Variants in IPO11 observed in about 807,000 individuals in gnomAD.
IPO11 encodes the protein importin 11, also known as importin-11.
A neutral mutation model predicts 143.2 loss-of-function variants in IPO11; 66 were observed. The ratio of observed to expected loss-of-function variants is 0.46; its 90% CI spans 0.38 to 0.57. The LOEUF (loss-of-function observed/expected upper bound fraction) is 0.57. Ranked by LOEUF, IPO11 falls within the 20% of genes least tolerant of loss-of-function variation. The pLI is 0.00. For missense variants in IPO11, 1,026 were observed against 1,141.0 expected (o/e 0.90, Z 1.45); for synonymous variants, 385 against 377.8 (o/e 1.02, Z -0.22).
At chr5:62,539,901 G>A (rs1742869452) in intron 24 of IPO11, among the ~76,000 whole-genome samples, 1 of 152,196 alleles carries the variant, frequency 6.6e-6, no homozygotes, top group African/African-American at 2.4e-5. Flanking sequence ...GAATTAATAC[G>A]TTGGACTTAA....
rs140074399 is a variant in IPO11, at chr5:62,580,058, C to T, written c.2583-11519C>T. ...GGCTTTCAACATCTTGAAAACCTTGCTTGTTTGTATTTAGGAAGTAATAAT... is the reference window on the plus strand; with the variant it reads ...GGCTTTCAACATCTTGAAAACCTTGTTTGTTTGTATTTAGGAAGTAATAAT... On this transcript the variant is annotated intron_variant, in intron 27 of 29. Transcript: ENST00000325324. The T allele has an allele frequency of 1.4e-4, 214 of 1,551,026 alleles. 1 individual carries two copies. In the African/African-American group the frequency reaches 2.7e-3, roughly 19 times the overall value.
chr5:62,520,011 G>A (rs1742152458), intron 20 of IPO11, among the ~76,000 whole-genome samples: 1 of 152,182 alleles, frequency 6.6e-6, no homozygotes. Context: ...ATTCTCAAAT[G>A]TCAGATCCCC....
rs2112225015 is a variant in IPO11, at chr5:62,484,025, C to G, written c.1037C>G (p.Thr346Ser). 1 of 1,604,262 alleles carries G rather than the reference C, an allele frequency of 6.2e-7. No homozygotes were observed. The highest frequency in any genetic ancestry group is 8.5e-7 in the Non-Finnish European group (1 of 1,177,030). Residue 346 changes from threonine to serine, a missense_variant, in exon 11 of 30, where the codon ACT becomes AGT. Coordinates refer to ENST00000325324, the MANE Select transcript of IPO11 (RefSeq NM_016338.5). The stretch of plus-strand genomic sequence containing the variant: ...ATTTTTCTAGATAGCAGCCCTGAAA[C>G]TCTTGAAGCCCATAAGATTAAGATG... ...SKNFEDSSPETLEAHKIKMAF... is the reference protein window; with the variant it reads ...SKNFEDSSPESLEAHKIKMAF...
chr5:62,593,389 C>T (rs1745105144), intron 28 of IPO11, among the ~76,000 whole-genome samples: 1 of 152,138 alleles, frequency 6.6e-6, no homozygotes, highest in African/African-American at 2.4e-5. Context: ...TGGCTCCTGC[C>T]TGTAATCCCA....
chr5:62,447,095 A>C (rs1744743642), intron 3 of IPO11, among the ~76,000 whole-genome samples: 1 of 151,322 alleles, frequency 6.6e-6, no homozygotes. Context: ...CTTTTGGTTC[A>C]TAATTATATA....
At chr5:62,625,702 C>G (rs1399103712) in intron 29 of IPO11, among the ~76,000 whole-genome samples, 2 of 152,174 alleles carry the variant, frequency 1.3e-5, no homozygotes, top group African/African-American at 4.8e-5. Context: ...AAAAACTAAC[C>G]TTGAATGTCA....
chr5:62,475,997 TAGTC>T (rs1346598023), intron 8 of IPO11, among the ~76,000 whole-genome samples: 8 of 152,250 alleles, frequency 5.3e-5, no homozygotes, highest in South Asian at 2.1e-4. Flanking sequence ...TGTTTTATGT[TAGTC>T]AGTTTCAATT....
intron 27 of IPO11, among the ~76,000 whole-genome samples, chr5:62,571,122 G>A (rs1744118722): frequency 6.6e-6 from 1 of 152,198 alleles, no homozygotes; most frequent in Non-Finnish European, 1.5e-5. Context: ...TATGTCACAA[G>A]TGGTTCCTTC....
At chr5:62,619,697 C>CA (rs1352861540) in intron 29 of IPO11, among the ~76,000 whole-genome samples, 1 of 151,824 alleles carries the variant, frequency 6.6e-6, no homozygotes, top group Non-Finnish European at 1.5e-5. Context: ...ACTAAAAATA[C>CA]AAAAAATTAG....
intron 29 of IPO11, among the ~76,000 whole-genome samples, chr5:62,624,759 C>T (rs763342249): frequency 9.2e-5 from 14 of 151,828 alleles, no homozygotes; most frequent in Non-Finnish European, 2.1e-4. Context: ...CTGAGGTGGG[C>T]GGATCATGAG....
chr5:62,464,960 T>C (rs1745515970), intron 5 of IPO11, among the ~76,000 whole-genome samples: 1 of 152,236 alleles, frequency 6.6e-6, no homozygotes, highest in Non-Finnish European at 1.5e-5. Context: ...GATATCGGTT[T>C]AAAGTATAAT....
At chr5:62,601,348 A>G (rs1745499335) in intron 28 of IPO11, 1 of 153,210 alleles carries the variant, frequency 6.5e-6, no homozygotes, top group Non-Finnish European at 1.5e-5. Flanking sequence ...CATAATTAAT[A>G]TGTTTGTGAT....
intron 20 of IPO11, among the ~76,000 whole-genome samples, chr5:62,520,309 A>G (rs908322450): frequency 1.3e-5 from 2 of 151,226 alleles, no homozygotes; most frequent in South Asian, 4.2e-4. Flanking sequence ...TATTCTTTTC[A>G]CTTGTTATCT....
intron 21 of IPO11, among the ~76,000 whole-genome samples, chr5:62,528,094 AGAACATTCT>A (rs1262660144): frequency 7.9e-5 from 12 of 152,224 alleles, no homozygotes. Context: ...AGAAGGACAG[AGAACATTCT>A]GGCCAGGGCA....
At chr5:62,480,087 T>C (rs1362314249) in intron 9 of IPO11, among the ~76,000 whole-genome samples, 3 of 152,226 alleles carry the variant, frequency 2.0e-5, no homozygotes, top group Non-Finnish European at 4.4e-5. Context: ...AACATTTAAG[T>C]CTTTAATCCA....
chr5:62,427,485 C>G (rs1278129231), intron 1 of IPO11, among the ~76,000 whole-genome samples: 29 of 152,162 alleles, frequency 1.9e-4, no homozygotes, highest in Admixed American at 1.9e-3. Context: ...GGCCATGGAC[C>G]AGTATCAGTC....
At chr5:62,576,659 T>A (rs1744323167) in intron 27 of IPO11, among the ~76,000 whole-genome samples, 2 of 149,810 alleles carry the variant, frequency 1.3e-5, no homozygotes, top group Non-Finnish European at 3.0e-5. Context: ...GGCATGCACC[T>A]GCAGTCCTAG....
chr5:62,476,785 A>G (rs752813208), intron 9 of IPO11, 32 bp downstream of exon 9: 1 of 1,461,306 alleles, frequency 6.8e-7, no homozygotes, highest in Non-Finnish European at 9.2e-7. Flanking sequence ...TTTCTCAAAT[A>G]TAATACACAT....
At chr5:62,508,663 G>A (rs946816590) in intron 19 of IPO11, among the ~76,000 whole-genome samples, 2 of 140,790 alleles carry the variant, frequency 1.4e-5, no homozygotes, top group South Asian at 5.0e-4. Flanking sequence ...GGTTTGTTAC[G>A]TAGGTATACA....
Sources: gnomAD v4.1 joint callset for allele counts (sites outside exome capture counted in the v4.1 genomes callset) on GRCh38, gnomAD v4.1.1 for gene constraint, MANE v1.5 for transcripts, NCBI Gene and HGNC (gene_info 2026-07-23, HGNC 2026-07-21) for gene names.